PID1: variants seen among roughly 807,000 people sequenced by gnomAD.
PID1 encodes the protein PTB-containing, cubilin and LRP1-interacting protein.
A neutral mutation model predicts 19.1 loss-of-function variants in PID1; 10 were observed. The observed-to-expected ratio is 0.52, with a 90% confidence interval of 0.32 to 0.89. The LOEUF (loss-of-function observed/expected upper bound fraction) is 0.89, where lower values mean the gene tolerates loss of function less well. Ranked by LOEUF, PID1 falls within the 40% of genes least tolerant of loss-of-function variation. The pLI is 0.03. For missense variants in PID1, 248 were observed against 285.3 expected (o/e 0.87, Z 0.94); for synonymous variants, 130 against 116.0 (o/e 1.12, Z -0.78).
chr2:229,180,694 C>A (rs953697928), intron 1 of PID1, among the ~76,000 whole-genome samples: 1 of 152,180 alleles, frequency 6.6e-6, no homozygotes, highest in Non-Finnish European at 1.5e-5. Flanking sequence ...TCTGAGCCTG[C>A]GGGAACCTTT....
At chr2:229,181,618 T>C (rs1194585182) in intron 1 of PID1, among the ~76,000 whole-genome samples, 1 of 152,238 alleles carries the variant, frequency 6.6e-6, no homozygotes, top group Non-Finnish European at 1.5e-5. Flanking sequence ...TTTCTACTGA[T>C]AATCAAAAGA....
intron 1 of PID1, among the ~76,000 whole-genome samples, chr2:229,169,734 A>G (rs1356303019): frequency 1.3e-5 from 2 of 152,122 alleles, no homozygotes; most frequent in African/African-American, 4.8e-5. Flanking sequence ...CTCCTCTTAC[A>G]GATATATTAA....
At chr2:229,248,389 C>G (rs1690057453) in intron 1 of PID1, among the ~76,000 whole-genome samples, 1 of 152,196 alleles carries the variant, frequency 6.6e-6, no homozygotes, top group Non-Finnish European at 1.5e-5. Context: ...GGCAGACGAT[C>G]ATGGTTTGCC....
intron 1 of PID1, among the ~76,000 whole-genome samples, chr2:229,230,869 T>C (rs1692190894): frequency 6.6e-6 from 1 of 152,162 alleles, no homozygotes; most frequent in South Asian, 2.1e-4. Flanking sequence ...AAATATAGAA[T>C]ATAAGTATAG....
chr2:229,156,061 C>T, intron 1 of PID1, 97 bp from the exon 2 acceptor site: 1 of 1,130,630 alleles, frequency 8.8e-7, no homozygotes, highest in Non-Finnish European at 1.3e-6. Flanking sequence ...GTTTTATTGA[C>T]TCTGTTCTAT....
At chr2:229,077,231 G>T (rs1333055589) in intron 2 of PID1, among the ~76,000 whole-genome samples, 4 of 151,954 alleles carry the variant, frequency 2.6e-5, no homozygotes, top group Non-Finnish European at 5.9e-5. Context: ...TTTTTGATGG[G>T]GTTGTTTGTT....
Position 229,074,162 on chromosome 2 carries a change from C to T in PID1, c.178-48054G>A, listed in dbSNP as rs141005942. ...CAGATGGTAAACCTGTTTATGAAGA[C>T]AGCACAAGAAGCTTCAACAAATGCC... is the stretch of plus-strand genomic sequence containing the variant. On this transcript the variant is annotated intron_variant, in intron 2 of 2. Coordinates refer to ENST00000392055, the MANE Select transcript of PID1 (RefSeq NM_001100818.2). 9.6e-3 allele frequency among the ~76,000 whole-genome samples: 1,459 copies of T among 152,198 alleles called. 25 individuals are homozygous for T. The highest frequency in any genetic ancestry group is 0.033 in the African/African-American group (1,363 of 41,530).
chr2:229,201,289 T>C (rs878904201), intron 1 of PID1, among the ~76,000 whole-genome samples: 1 of 152,076 alleles, frequency 6.6e-6, no homozygotes, highest in Admixed American at 6.6e-5. Flanking sequence ...GTTTTCTCCC[T>C]CTCCCTAACT....
intron 2 of PID1, among the ~76,000 whole-genome samples, chr2:229,032,934 G>A (rs374352509): frequency 4.6e-5 from 7 of 152,280 alleles, no homozygotes; most frequent in East Asian, 1.9e-4. Context: ...TGTTAACAGC[G>A]TCGGATCAGG....
intron 2 of PID1, among the ~76,000 whole-genome samples, chr2:229,031,360 C>A (rs939274363): frequency 6.6e-6 from 1 of 151,984 alleles, no homozygotes; most frequent in Admixed American, 6.6e-5. Flanking sequence ...GAGTTCAAGA[C>A]CAGCCTGGCC....
chr2:229,099,897 T>G (rs1269537023), intron 2 of PID1, among the ~76,000 whole-genome samples: 1 of 152,222 alleles, frequency 6.6e-6, no homozygotes, highest in African/African-American at 2.4e-5. Flanking sequence ...TGAATGTTTG[T>G]GTCCCTCCAA....
rs115211742 is a variant in PID1 at position 229,130,232 on chromosome 2, C to A, written c.177+25586G>T. Among the ~76,000 whole-genome samples the A allele has an allele frequency of 2.3e-3, 357 of 152,294 alleles. 1 individual carries two copies. Among genetic ancestry groups the A allele is most frequent in the African/African-American group, 8.1e-3 (338 of 41,560 alleles). Reference sequence around the variant, plus strand: ...ATAAGGAGTTGTCTGGAGAGCCAGACAGCCCTCAGCCCACCTGGAATGCTG... The same window carrying A: ...ATAAGGAGTTGTCTGGAGAGCCAGAAAGCCCTCAGCCCACCTGGAATGCTG... On this transcript the variant is annotated intron_variant, in intron 2 of 2. Coordinates refer to ENST00000392055, the MANE Select transcript of PID1 (RefSeq NM_001100818.2).
At chr2:229,188,900 T>A (rs894262197) in intron 1 of PID1, among the ~76,000 whole-genome samples, 1 of 152,222 alleles carries the variant, frequency 6.6e-6, no homozygotes, top group Non-Finnish European at 1.5e-5. Context: ...AGCATCTTTT[T>A]AAATATCTAT....
At chr2:229,074,980 G>T (rs1362242359) in intron 2 of PID1, among the ~76,000 whole-genome samples, 1 of 152,154 alleles carries the variant, frequency 6.6e-6, no homozygotes, top group Non-Finnish European at 1.5e-5. Flanking sequence ...TTACAATGGG[G>T]TTGCATTTCT....
At chr2:229,191,186 G>A (rs1691253205) in intron 1 of PID1, among the ~76,000 whole-genome samples, 1 of 152,156 alleles carries the variant, frequency 6.6e-6, no homozygotes, top group South Asian at 2.1e-4. Context: ...TTACCCATTA[G>A]ATGACAGCTG....
At chr2:229,151,536 T>C (rs542358272) in intron 2 of PID1, among the ~76,000 whole-genome samples, 2 of 152,288 alleles carry the variant, frequency 1.3e-5, no homozygotes, top group Non-Finnish European at 2.9e-5. Context: ...CAGTTCTGTG[T>C]TATTGTCAGT....
chr2:229,104,962 C>T (rs1333395172), intron 2 of PID1, among the ~76,000 whole-genome samples: 2 of 152,200 alleles, frequency 1.3e-5, no homozygotes, highest in African/African-American at 2.4e-5. Context: ...CAGACACAGA[C>T]ACAAATGTTC....
At chr2:229,179,638 G>T (rs1014383466) in intron 1 of PID1, among the ~76,000 whole-genome samples, 1 of 152,048 alleles carries the variant, frequency 6.6e-6, no homozygotes, top group South Asian at 2.1e-4. Flanking sequence ...TTTAATGCAA[G>T]ATTATAATAA....
chr2:229,138,999 G>GA (rs1233578114), intron 2 of PID1, among the ~76,000 whole-genome samples: 1 of 85,008 alleles, frequency 1.2e-5, no homozygotes, highest in African/African-American at 4.6e-5. Flanking sequence ...AAGAAAGAAA[G>GA]AAAGAAAGAA....
Sources: gnomAD v4.1 joint callset for allele counts (sites outside exome capture counted in the v4.1 genomes callset) on GRCh38, gnomAD v4.1.1 for gene constraint, MANE v1.5 for transcripts, NCBI Gene and HGNC (gene_info 2026-07-23, HGNC 2026-07-21) for gene names.